Variants in EPB41L4B observed in about 807,000 individuals in gnomAD.
EPB41L4B encodes band 4.1-like protein 4B.
A neutral mutation model predicts 112.5 loss-of-function variants in EPB41L4B; 30 were observed. That is an observed-to-expected ratio of 0.27 (90% CI 0.20 to 0.36). The LOEUF is 0.36. Among genes scored for constraint, EPB41L4B ranks in the 10% least tolerant of loss-of-function variants. The pLI is 1.00. For missense variants in EPB41L4B, 1,024 were observed against 1,133.3 expected (o/e 0.90, Z 1.38); for synonymous variants, 408 against 439.7 (o/e 0.93, Z 0.90).
intron 22 of EPB41L4B, among the ~76,000 whole-genome samples, chr9:109,191,422 T>C (rs1832457524): frequency 6.6e-6 from 1 of 152,130 alleles, no homozygotes; most frequent in Non-Finnish European, 1.5e-5. Context: ...ACCCATTTCA[T>C]AGCTTAGTTG....
chr9:109,277,738 TGGCTGG>T (rs1298463605), intron 2 of EPB41L4B, among the ~76,000 whole-genome samples: 1 of 151,984 alleles, frequency 6.6e-6, no homozygotes, highest in Non-Finnish European at 1.5e-5. Context: ...GGCCGAGGCC[TGGCTGG>T]GGCTGGGAGG....
chr9:109,258,624 C>T (rs1442200309), intron 6 of EPB41L4B, among the ~76,000 whole-genome samples: 1 of 152,200 alleles, frequency 6.6e-6, no homozygotes, highest in Non-Finnish European at 1.5e-5. Flanking sequence ...CAATAAAAGG[C>T]AATTGCAGGG....
intron 1 of EPB41L4B, among the ~76,000 whole-genome samples, chr9:109,319,936 G>C (rs995899636): frequency 6.6e-6 from 1 of 152,176 alleles, no homozygotes; most frequent in African/African-American, 2.4e-5. Context: ...CAAGGAGGGG[G>C]CACGGGCCAA....
Position 109,176,535 on chromosome 9 carries a change from T to G in EPB41L4B, c.2633+16A>C. 6.3e-7 allele frequency: 1 copy of G among 1,597,890 alleles called. No homozygotes were observed. Reference sequence around the variant, plus strand: ...GTCACCAGAATTACCTGTCGGAACCTGCTGACCTGACCTACCTGGCTGCCA... The same window carrying G: ...GTCACCAGAATTACCTGTCGGAACCGGCTGACCTGACCTACCTGGCTGCCA... On this transcript the variant is annotated intron_variant, in intron 25 of 25. Coordinates refer to ENST00000374566, the MANE Select transcript of EPB41L4B (RefSeq NM_019114.5).
At chr9:109,193,967 C>T (rs1302935922) in intron 21 of EPB41L4B, among the ~76,000 whole-genome samples, 1 of 152,038 alleles carries the variant, frequency 6.6e-6, no homozygotes, top group Non-Finnish European at 1.5e-5. Context: ...GAAAACTGCC[C>T]TCAAAAATCT....
At chr9:109,221,570 T>C (rs1009464607) in intron 15 of EPB41L4B, among the ~76,000 whole-genome samples, 8 of 151,924 alleles carry the variant, frequency 5.3e-5, no homozygotes, top group East Asian at 1.9e-4. Flanking sequence ...AAGGAAAAGA[T>C]AGGGATACTA....
intron 13 of EPB41L4B, among the ~76,000 whole-genome samples, chr9:109,248,325 C>T (rs1834638531): frequency 6.6e-6 from 1 of 152,182 alleles, no homozygotes. Context: ...ATGTTCTCTC[C>T]AGACAAGACT....
Position 109,320,345 on chromosome 9 carries a change from A to T in EPB41L4B, c.102T>A (p.Asp34Glu). ...CGGCCGGGCCCCCCCGTGGCCCCCC[A>T]TCGCGCTCGTCCCCCAGCCCGGCGG... ...RGAAGLGDERDGGPRGGPAAA... is the reference protein window; with the variant it reads ...RGAAGLGDEREGGPRGGPAAA... Residue 34 changes from aspartate to glutamate, a missense_variant, in exon 1 of 26, where the codon GAT becomes GAA. Physicochemically the swap from Asp to Glu is conservative, Grantham distance 45. Transcript: ENST00000374566. The T allele has an allele frequency of 1.0e-6, 1 of 975,040 alleles. No homozygotes were observed. Among genetic ancestry groups the T allele is most frequent in the African/African-American group, 1.8e-5 (1 of 55,092 alleles). The allele number at this position is 975,040 out of a possible 1,614,324, so 60.4% of individuals were successfully genotyped here.
intron 25 of EPB41L4B, 124 bp downstream of exon 25, chr9:109,176,427 T>C (rs974988981): frequency 7.7e-5 from 87 of 1,125,772 alleles, no homozygotes; most frequent in Non-Finnish European, 9.8e-5. Context: ...TTTCAATAAA[T>C]ACTTACAGAA....
intron 1 of EPB41L4B, among the ~76,000 whole-genome samples, chr9:109,282,614 C>A (rs986028991): frequency 1.3e-5 from 2 of 152,194 alleles, no homozygotes; most frequent in African/African-American, 4.8e-5. Flanking sequence ...AACACCCCAT[C>A]ACCTAAGATG....
At chr9:109,211,870 C>T (rs1833190726) in intron 17 of EPB41L4B, among the ~76,000 whole-genome samples, 1 of 147,494 alleles carries the variant, frequency 6.8e-6, no homozygotes, top group Non-Finnish European at 1.5e-5. Flanking sequence ...TGCCCGCCAC[C>T]ACAACTTGCT....
At chr9:109,295,416 T>A (rs1396718225) in intron 1 of EPB41L4B, among the ~76,000 whole-genome samples, 1 of 152,054 alleles carries the variant, frequency 6.6e-6, no homozygotes, top group Non-Finnish European at 1.5e-5. Flanking sequence ...AATAAGAACA[T>A]CACGATATGG....
chr9:109,262,909 C>T lies in EPB41L4B; in HGVS notation c.631+141G>A, dbSNP rs372222090. Reference sequence around the variant, plus strand: ...TCCTTGCCTTCCTCACTGGACTGCACGCCACTTGGGGACAGAGACCGTGTC... The same window carrying T: ...TCCTTGCCTTCCTCACTGGACTGCATGCCACTTGGGGACAGAGACCGTGTC... On this transcript the variant is annotated intron_variant, in intron 6 of 25. Coordinates refer to ENST00000374566, the MANE Select transcript of EPB41L4B (RefSeq NM_019114.5). 3.0e-4 allele frequency: 179 copies of T among 600,072 alleles called. 1 individual carries two copies. Among genetic ancestry groups the T allele is most frequent in the African/African-American group, 2.6e-3 (138 of 52,692 alleles). 37.2% of individuals were successfully genotyped at this position (600,072 alleles called of 1,614,324 possible). A position where few individuals can be genotyped will look rare whatever the true frequency, so the allele number is the denominator to read the frequency against.
Position 109,320,480 on chromosome 9 carries a change from GCGCTGC to G in EPB41L4B, c.-40_-35del, listed in dbSNP as rs556107644. On this transcript the variant is annotated 5_prime_UTR_variant, in exon 1 of 26. Transcript: ENST00000374566. ...GGGGCGCCCCCTGCCTCCGCCCCCT[GCGCTGC>G]CGCTGCCGCTGCCGCTGCCGCTGCG... is the stretch of plus-strand genomic sequence containing the variant. 3,469 of 923,460 alleles carry G rather than the reference GCGCTGC, an allele frequency of 3.8e-3. 20 individuals are homozygous for G. The highest frequency in any genetic ancestry group is 0.024 in the East Asian group (201 of 8,466). The allele number at this position is 923,460 out of a possible 1,614,324, so 57.2% of individuals were successfully genotyped here. A position where few individuals can be genotyped will look rare whatever the true frequency, so the allele number is the denominator to read the frequency against.
chr9:109,184,759 T>C (rs1376352451), intron 23 of EPB41L4B, among the ~76,000 whole-genome samples: 2 of 152,058 alleles, frequency 1.3e-5, no homozygotes, highest in African/African-American at 4.8e-5. Flanking sequence ...CCTAAGAAAA[T>C]AAAATTCCTG....
chr9:109,255,807 T>C lies in EPB41L4B; in HGVS notation c.966A>G (p.Lys322=). 1 of 1,613,822 alleles carries C rather than the reference T, an allele frequency of 6.2e-7. No homozygotes were observed. Among genetic ancestry groups the C allele is most frequent in the Non-Finnish European group, 8.5e-7 (1 of 1,179,948 alleles). Residue 322 remains lysine, a synonymous_variant, in exon 10 of 26, where the codon AAA becomes AAG. Coordinates refer to ENST00000374566, the MANE Select transcript of EPB41L4B (RefSeq NM_019114.5). ...KITKMDFKKS[K]LTLVVVEDDD... is the part of the protein sequence containing the mutation. ...CATCCTCGACCACCACGAGTGTCAA[T>C]TTGCTCTTTTTAAAATCCATTTTGG...
chr9:109,319,783 C>T (rs1165097262), intron 1 of EPB41L4B, among the ~76,000 whole-genome samples: 4 of 152,114 alleles, frequency 2.6e-5, no homozygotes, highest in African/African-American at 9.6e-5. Context: ...CTGCTGGAAG[C>T]TAGGGACGGA....
intron 20 of EPB41L4B, among the ~76,000 whole-genome samples, chr9:109,196,917 A>G (rs1338373225): frequency 1.3e-5 from 2 of 152,158 alleles, no homozygotes; most frequent in African/African-American, 2.4e-5. Flanking sequence ...GAATGTTACA[A>G]TGCTTTTGGT....
At position 109,174,446 on chromosome 9, in the gene EPB41L4B, C is replaced by T. The variant is rs773591239; in HGVS notation, c.*108G>A. The T allele has an allele frequency of 2.5e-5, 27 of 1,098,298 alleles. No homozygotes were observed. Among genetic ancestry groups the T allele is most frequent in the Middle Eastern group, 2.0e-4 (1 of 4,962 alleles). 68.0% of individuals were successfully genotyped at this position (1,098,298 alleles called of 1,614,324 possible). On this transcript the variant is annotated 3_prime_UTR_variant, in exon 26 of 26. Coordinates refer to ENST00000374566, the MANE Select transcript of EPB41L4B (RefSeq NM_019114.5). ...CTTCAACTAACCATGGAGACCTGGG[C>T]GAACAGAGCACACACTTGTATGCTG...
Sources: allele counts gnomAD v4.1 joint callset (sites outside exome capture counted in the v4.1 genomes callset), GRCh38; gene constraint gnomAD v4.1.1; transcripts MANE v1.5; gene names NCBI Gene and HGNC (gene_info 2026-07-23, HGNC 2026-07-21).